ADAM2: variants seen among roughly 807,000 people sequenced by gnomAD.
The protein encoded by ADAM2 is ADAM metallopeptidase domain 2.
A neutral mutation model predicts 99.3 loss-of-function variants in ADAM2; 101 were observed. The ratio of observed to expected loss-of-function variants is 1.02; its 90% confidence interval spans 0.87 to 1.20. ADAM2 has a LOEUF of 1.20. Among genes scored for constraint, ADAM2 ranks in the 50% most tolerant of loss-of-function variants. The pLI is 0.00. For synonymous variants in ADAM2, 323 were observed against 287.6 expected (o/e 1.12, Z -1.25); for missense variants, 948 against 878.7 (o/e 1.08, Z -1.00).
chr8:39,824,863 A>C lies in ADAM2; in HGVS notation c.223T>G (p.Tyr75Asp). 6.4e-7 allele frequency: 1 copy of C among 1,567,960 alleles called. No homozygotes were observed. Residue 75 changes from tyrosine to aspartate, a missense_variant, in exon 4 of 21, where the codon TAT becomes GAT. Tyr to Asp is a radical substitution (Grantham distance 160). Transcript: ENST00000265708. ...GGTTTCATAATTCCTGTGCCACTAT[A>C]ACTGTAAACTCTAAAATTATGGGGT... Reference protein sequence around the residue: ...FLPHNFRVYSYSGTGIMKPLD... With the variant: ...FLPHNFRVYSDSGTGIMKPLD...
chr8:39,759,258 C>A (rs1220307350), intron 15 of ADAM2, among the ~76,000 whole-genome samples: 1 of 151,584 alleles, frequency 6.6e-6, no homozygotes, highest in Non-Finnish European at 1.5e-5. Flanking sequence ...GATAAACATG[C>A]CAAAATGTAT....
At chr8:39,798,439 G>T (rs1804063436) in intron 7 of ADAM2, among the ~76,000 whole-genome samples, 1 of 152,146 alleles carries the variant, frequency 6.6e-6, no homozygotes, top group South Asian at 2.1e-4. Context: ...GATTTGGTTT[G>T]CCAGTATTTT....
At chr8:39,802,960 G>T (rs1804279356) in intron 7 of ADAM2, among the ~76,000 whole-genome samples, 1 of 152,086 alleles carries the variant, frequency 6.6e-6, no homozygotes, top group Non-Finnish European at 1.5e-5. Flanking sequence ...GTACAATTTT[G>T]CTAGTAGTTA....
In ADAM2 at chr8:39,828,442, ATAATT is replaced by A. The variant is rs551365184; in HGVS notation, c.189-3550_189-3546del. Among the ~76,000 whole-genome samples the A allele has an allele frequency of 1.1e-4, 17 of 152,036 alleles. No individual in the cohort carries two copies. In the South Asian group the frequency reaches 2.9e-3, roughly 26 times the overall value. ...AGAAGAGTAAAAGAATGTATAACAA[ATAATT>A]TAATTGAGGAATAATGTATAATATA... On this transcript the variant is annotated intron_variant, in intron 3 of 20. Transcript: ENST00000265708.
intron 10 of ADAM2, among the ~76,000 whole-genome samples, chr8:39,780,168 G>C (rs1563352716): frequency 6.6e-6 from 1 of 151,960 alleles, no homozygotes; most frequent in Non-Finnish European, 1.5e-5. Context: ...CGCGTGCAGG[G>C]GATCTCCCCT....
intron 11 of ADAM2, chr8:39,774,590 T>A (rs1802915463): frequency 6.6e-6 from 1 of 151,770 alleles, no homozygotes. Flanking sequence ...AAAGGAAAAA[T>A]AAAAAACAAA....
At chr8:39,828,853 T>A (rs1805513845) in intron 3 of ADAM2, among the ~76,000 whole-genome samples, 1 of 151,792 alleles carries the variant, frequency 6.6e-6, no homozygotes, top group African/African-American at 2.4e-5. Context: ...GAAAGAAAAA[T>A]AATTGCCAAA....
chr8:39,832,621 T>G (rs1006240760), intron 3 of ADAM2, among the ~76,000 whole-genome samples: 3 of 152,244 alleles, frequency 2.0e-5, no homozygotes, highest in Non-Finnish European at 2.9e-5. Context: ...CAATAACGTT[T>G]TGAATGTTTT....
At chr8:39,758,348 T>C (rs1413296517) in intron 15 of ADAM2, among the ~76,000 whole-genome samples, 1 of 152,072 alleles carries the variant, frequency 6.6e-6, no homozygotes, top group Non-Finnish European at 1.5e-5. Flanking sequence ...GTTTATAATG[T>C]GTGTATTTGT....
chr8:39,772,617 A>G (rs1802827964), intron 11 of ADAM2, among the ~76,000 whole-genome samples: 1 of 152,008 alleles, frequency 6.6e-6, no homozygotes, highest in South Asian at 2.1e-4. Context: ...GTTTTCTGTA[A>G]CTTGCAGCAA....
chr8:39,813,122 C>A (rs552313537), intron 6 of ADAM2, among the ~76,000 whole-genome samples: 2 of 152,290 alleles, frequency 1.3e-5, no homozygotes, highest in Non-Finnish European at 2.9e-5. Context: ...TATGAACAGA[C>A]ACTTCTCAAA....
chr8:39,746,478 C>T lies in ADAM2; in HGVS notation c.2168G>A (p.Ser723Asn), dbSNP rs755565920. The change falls in exon 19 of 21, where the codon AGC (serine) becomes AAC (asparagine). Residue 723 changes from serine (S) to asparagine (N), a missense_variant. Coordinates refer to ENST00000265708, the MANE Select transcript of ADAM2 (RefSeq NM_001464.5). ...RKKWRTEDYS[S>N]DEQPESESEP... ...AAATATGAAATCAATATACTCATCG[C>T]TTGAATAGTCCTCAGTTCTCCATTT... The T allele has an allele frequency of 5.7e-6, 9 of 1,569,736 alleles. No individual in the cohort carries two copies. The highest frequency in any genetic ancestry group is 7.7e-6 in the Non-Finnish European group (9 of 1,162,060).
intron 6 of ADAM2, among the ~76,000 whole-genome samples, chr8:39,817,020 T>C (rs920427712): frequency 9.2e-5 from 14 of 152,076 alleles, no homozygotes; most frequent in Admixed American, 1.3e-4. Flanking sequence ...TCACAGACTA[T>C]ATAAGAGCAA....
Position 39,777,018 on chromosome 8 carries a change from A to G in ADAM2, c.1028+7T>C, listed in dbSNP as rs753332707. On this transcript the variant is annotated splice_region_variant and intron_variant, in intron 11 of 20. Transcript: ENST00000265708. Reference sequence around the variant, plus strand: ...TATATGTAAAGTATAAAAGTCAGAAATCTTACATTGCTTCTGGATTCATAA... The same window carrying G: ...TATATGTAAAGTATAAAAGTCAGAAGTCTTACATTGCTTCTGGATTCATAA... The G allele has an allele frequency of 6.5e-7, 1 of 1,541,654 alleles. No individual in the cohort carries two copies. Among genetic ancestry groups the G allele is most frequent in the Non-Finnish European group, 8.9e-7 (1 of 1,118,056 alleles).
chr8:39,809,689 T>A (rs909871780), intron 6 of ADAM2, among the ~76,000 whole-genome samples: 2 of 152,166 alleles, frequency 1.3e-5, no homozygotes, highest in Non-Finnish European at 2.9e-5. Flanking sequence ...ACAACTTCCC[T>A]CTATCTTCCA....
At chr8:39,835,544 T>G (rs7004860) in intron 2 of ADAM2, among the ~76,000 whole-genome samples, 152,157 of 152,184 alleles carry the variant, frequency 1, 76,065 homozygotes, top group Middle Eastern at 1. Context: ...CTAGCTGGGC[T>G]TGGTGGCAGG....
intron 16 of ADAM2, among the ~76,000 whole-genome samples, chr8:39,753,812 A>AAC (rs34323295): frequency 0.47 from 71,209 of 150,552 alleles, 17,680 homozygotes; most frequent in South Asian, 0.66. Context: ...AAAACAACAA[A>AAC]ACACACACAC....
chr8:39,791,231 AT>A lies in ADAM2; in HGVS notation c.571-2492del, dbSNP rs568477834. 1.5e-3 allele frequency among the ~76,000 whole-genome samples: 230 copies of A among 152,082 alleles called. 1 individual carries two copies. The highest frequency in any genetic ancestry group is 2.8e-3 in the Admixed American group (43 of 15,222). ...AAAAACAGAACATTCTCAGTAACCA[AT>A]CAAAAGGGGCCCAGTTAATCTAAGT... On this transcript the variant is annotated intron_variant, in intron 7 of 20. Coordinates refer to ENST00000265708, the MANE Select transcript of ADAM2 (RefSeq NM_001464.5).
chr8:39,826,259 A>G (rs966328659), intron 3 of ADAM2, among the ~76,000 whole-genome samples: 1 of 152,212 alleles, frequency 6.6e-6, no homozygotes, highest in South Asian at 2.1e-4. Flanking sequence ...CCAATGGAAC[A>G]ATATAGATAT....
Sources: gnomAD v4.1 joint callset for allele counts (sites outside exome capture counted in the v4.1 genomes callset) on GRCh38, gnomAD v4.1.1 for gene constraint, MANE v1.5 for transcripts, NCBI Gene and HGNC (gene_info 2026-07-23, HGNC 2026-07-21) for gene names.